The following AP3B1 variants were observed in gnomAD, a reference collection of about 807,000 sequenced individuals.
The protein encoded by AP3B1 is adaptor related protein complex 3 subunit beta 1.
Under a neutral mutation model 132.5 loss-of-function variants are expected in AP3B1, and 61 were observed. The observed-to-expected ratio is 0.46, with a 90% CI of 0.37 to 0.57. The LOEUF is 0.57. Ranked by LOEUF, AP3B1 falls within the 20% of genes least tolerant of loss-of-function variation. AP3B1 has a pLI of 0.00. For missense variants in AP3B1, 1,120 were observed against 1,289.4 expected (o/e 0.87, Z 2.01); for synonymous variants, 388 against 438.3 (o/e 0.89, Z 1.43).
chr5:78,201,317 A>T (rs1433624899), intron 7 of AP3B1, among the ~76,000 whole-genome samples: 3 of 152,212 alleles, frequency 2.0e-5, no homozygotes, highest in Non-Finnish European at 4.4e-5. Flanking sequence ...TTGACCCAAC[A>T]TATACAAAAA....
At chr5:78,247,584 C>T (rs955365065) in intron 2 of AP3B1, among the ~76,000 whole-genome samples, 4 of 151,422 alleles carry the variant, frequency 2.6e-5, no homozygotes, top group African/African-American at 9.7e-5. Flanking sequence ...GGGAAAATGA[C>T]TCTTATTGTT....
rs1203033034 is a variant in AP3B1, at chr5:78,100,944, A to G, written c.2470+9T>C. On this transcript the variant is annotated intron_variant, in intron 21 of 26. Coordinates refer to ENST00000255194, the MANE Select transcript of AP3B1 (RefSeq NM_003664.5). ...ACACAGAAGAAATATTTTAAATTAC[A>G]ATACTTACAATCATCCAGATCTAGA... 6.7e-7 allele frequency: 1 copy of G among 1,487,930 alleles called. No individual in the cohort carries two copies. The highest frequency in any genetic ancestry group is 9.3e-7 in the Non-Finnish European group (1 of 1,073,944). The allele number at this position is 1,487,930 out of a possible 1,614,324, so 92.2% of individuals were successfully genotyped here.
chr5:78,169,463 AG>A (rs1262137109), intron 11 of AP3B1, among the ~76,000 whole-genome samples: 1 of 152,158 alleles, frequency 6.6e-6, no homozygotes, highest in Non-Finnish European at 1.5e-5. Flanking sequence ...AGTTAGAGAC[AG>A]GGTCTCAGGC....
intron 22 of AP3B1, among the ~76,000 whole-genome samples, chr5:78,075,841 T>G (rs143372525): frequency 6.6e-6 from 1 of 152,216 alleles, no homozygotes; most frequent in African/African-American, 2.4e-5. Context: ...GCTACTGATA[T>G]TCCATGCTAG....
At chr5:78,029,142 T>C (rs1747463408) in intron 24 of AP3B1, among the ~76,000 whole-genome samples, 1 of 152,196 alleles carries the variant, frequency 6.6e-6, no homozygotes, top group South Asian at 2.1e-4. Context: ...CTATTTAACC[T>C]TACTCTCTGA....
chr5:78,202,358 C>T (rs750354967), intron 7 of AP3B1, among the ~76,000 whole-genome samples: 16 of 152,090 alleles, frequency 1.1e-4, no homozygotes, highest in Non-Finnish European at 2.2e-4. Flanking sequence ...GAGCTCCTCT[C>T]CTGTATTACA....
In AP3B1 at chr5:78,156,238, A is replaced by T; in HGVS notation, c.1473+20T>A. 6.5e-7 allele frequency: 1 copy of T among 1,538,892 alleles called. No individual in the cohort carries two copies. The highest frequency in any genetic ancestry group is 9.0e-7 in the Non-Finnish European group (1 of 1,111,916). On this transcript the variant is annotated intron_variant, in intron 14 of 26. Coordinates refer to ENST00000255194, the MANE Select transcript of AP3B1 (RefSeq NM_003664.5). ...ACTTACTGAATAAAATTCAGCAAAC[A>T]TCTCTTAATTGATACTCACAGTGAT...
At chr5:78,217,689 T>C (rs752282137) in intron 6 of AP3B1, among the ~76,000 whole-genome samples, 3 of 152,056 alleles carry the variant, frequency 2.0e-5, no homozygotes, top group Non-Finnish European at 4.4e-5. Context: ...GTTTATGACA[T>C]TAAACTCTAG....
intron 14 of AP3B1, among the ~76,000 whole-genome samples, chr5:78,142,165 T>A (rs1421501589): frequency 6.6e-6 from 1 of 152,220 alleles, no homozygotes; most frequent in Non-Finnish European, 1.5e-5. Context: ...ACTATATTTT[T>A]AAATAAACTG....
intron 21 of AP3B1, among the ~76,000 whole-genome samples, chr5:78,093,881 A>G (rs1750650109): frequency 6.6e-6 from 1 of 152,248 alleles, no homozygotes; most frequent in African/African-American, 2.4e-5. Flanking sequence ...GATTAAGTAA[A>G]TTGCCCAAGA....
intron 19 of AP3B1, among the ~76,000 whole-genome samples, chr5:78,112,330 A>C (rs534661790): frequency 6.6e-6 from 1 of 152,296 alleles, no homozygotes; most frequent in Admixed American, 6.5e-5. Flanking sequence ...AAAAAATGGC[A>C]ATTTATTATC....
Position 78,227,901 on chromosome 5 carries a change from G to A in AP3B1, c.375+243C>T, listed in dbSNP as rs552126700. On this transcript the variant is annotated intron_variant, in intron 4 of 26. Coordinates refer to ENST00000255194, the MANE Select transcript of AP3B1 (RefSeq NM_003664.5). The stretch of plus-strand genomic sequence containing the variant: ...CTAGTATAATGATAAACAGCTCTTT[G>A]AAGCATGAAAATAATTATATTGAAT... Among the ~76,000 whole-genome samples, 14 of 152,146 alleles carry A rather than the reference G, an allele frequency of 9.2e-5. No homozygotes were observed. In the East Asian group the frequency reaches 2.7e-3, roughly 29 times the overall value.
chr5:78,053,569 A>G (rs1748673087), intron 22 of AP3B1, among the ~76,000 whole-genome samples: 1 of 151,296 alleles, frequency 6.6e-6, no homozygotes, highest in Non-Finnish European at 1.5e-5. Context: ...AATCCCAGCT[A>G]CTCAGGAGGC....
chr5:78,061,729 C>A (rs1051724671), intron 22 of AP3B1, among the ~76,000 whole-genome samples: 1 of 152,230 alleles, frequency 6.6e-6, no homozygotes, highest in African/African-American at 2.4e-5. Flanking sequence ...ACAAACTCGA[C>A]ATTTTATGAA....
intron 26 of AP3B1, among the ~76,000 whole-genome samples, chr5:78,011,680 T>C (rs1283362881): frequency 2.6e-5 from 4 of 152,232 alleles, no homozygotes; most frequent in African/African-American, 9.6e-5. Flanking sequence ...AATTAAAATC[T>C]GTACTTTATA....
chr5:78,107,228 A>G (rs913713679), intron 20 of AP3B1, among the ~76,000 whole-genome samples: 1 of 152,346 alleles, frequency 6.6e-6, no homozygotes, highest in East Asian at 1.9e-4. Flanking sequence ...ACTTTTAAGT[A>G]GTAGGGGAAT....
At chr5:78,166,509 C>G (rs751423271) in intron 11 of AP3B1, among the ~76,000 whole-genome samples, 2 of 152,028 alleles carry the variant, frequency 1.3e-5, no homozygotes, top group Non-Finnish European at 2.9e-5. Flanking sequence ...CATTTTAATT[C>G]TCTCTTCTGG....
chr5:78,287,634 G>A (rs1014656447), intron 1 of AP3B1, among the ~76,000 whole-genome samples: 10 of 151,868 alleles, frequency 6.6e-5, no homozygotes, highest in Non-Finnish European at 1.0e-4. Flanking sequence ...GGAATGCACT[G>A]CAGATGCTAG....
At chr5:78,067,465 T>C (rs1399482428) in intron 22 of AP3B1, among the ~76,000 whole-genome samples, 1 of 152,232 alleles carries the variant, frequency 6.6e-6, no homozygotes, top group East Asian at 1.9e-4. Flanking sequence ...CAACAGAATA[T>C]ACATTCTTCT....
Sources: allele counts gnomAD v4.1 joint callset (sites outside exome capture counted in the v4.1 genomes callset), GRCh38; gene constraint gnomAD v4.1.1; transcripts MANE v1.5; gene names NCBI Gene and HGNC (gene_info 2026-07-23, HGNC 2026-07-21).